Variants in PMEPA1 observed in about 807,000 individuals in gnomAD.
The protein encoded by PMEPA1 is protein TMEPAI.
A neutral mutation model predicts 23.0 loss-of-function variants in PMEPA1; 11 were observed. The observed-to-expected ratio is 0.48, with a 90% CI of 0.30 to 0.79. PMEPA1 has a LOEUF of 0.79. PMEPA1 is among the 30% of genes least tolerant of loss of function. The pLI is 0.06. For missense variants in PMEPA1, 377 were observed against 390.9 expected, an observed-to-expected ratio of 0.96 and a Z score of 0.30; for synonymous variants, 204 against 166.4, an observed-to-expected ratio of 1.23 and a Z score of -1.74.
chr20:57,690,622 G>A (rs1300304183), intron 1 of PMEPA1: 4 of 1,209,344 alleles, frequency 3.3e-6, no homozygotes, highest in Admixed American at 2.9e-5. Flanking sequence ...GGGGCCTGGA[G>A]AGCAGGCGCG....
At chr20:57,662,870 C>T (rs2071442043) in intron 1 of PMEPA1, among the ~76,000 whole-genome samples, 1 of 152,324 alleles carries the variant, frequency 6.6e-6, no homozygotes, top group South Asian at 2.1e-4. Context: ...TGGCAGCCCG[C>T]AGGACCCAGA....
Position 57,656,076 on chromosome 20 carries a change from C to A in PMEPA1, c.265-2990G>T, listed in dbSNP as rs2071322820. ...AGCTGCCCATTCTTCCCCTGGAGTCCCCAGGAACATCCAAGGGGACGGGAT... is the reference window on the plus strand; with the variant it reads ...AGCTGCCCATTCTTCCCCTGGAGTCACCAGGAACATCCAAGGGGACGGGAT... On this transcript the variant is annotated intron_variant, in intron 2 of 3. Coordinates refer to ENST00000341744, the MANE Select transcript of PMEPA1 (RefSeq NM_020182.5). This position sits in a 1 kb window ranked among gnomAD's most constrained non-coding sequence, Gnocchi z 4.7. 6.6e-6 allele frequency among the ~76,000 whole-genome samples: 1 copy of A among 151,990 alleles called. No individual in the cohort carries two copies. Among genetic ancestry groups the A allele is most frequent in the Non-Finnish European group, 1.5e-5 (1 of 67,994 alleles).
intron 1 of PMEPA1, among the ~76,000 whole-genome samples, chr20:57,669,151 A>ATTTATTTC (rs2071533616): frequency 4.0e-5 from 5 of 126,408 alleles, no homozygotes; most frequent in Non-Finnish European, 7.8e-5. Flanking sequence ...ACATTTATTT[A>ATTTATTTC]TTTATTTATT....
Position 57,653,510 on chromosome 20 carries a change from C to T in PMEPA1, c.265-424G>A, listed in dbSNP as rs568540589. Among the ~76,000 whole-genome samples, 7 of 152,366 alleles carry T rather than the reference C, an allele frequency of 4.6e-5. No individual in the cohort carries two copies. In the East Asian group the frequency reaches 9.6e-4, roughly 21 times the overall value. On this transcript the variant is annotated intron_variant, in intron 2 of 3. Coordinates refer to ENST00000341744, the MANE Select transcript of PMEPA1 (RefSeq NM_020182.5). ...CCTGCGTCAAGTTACTTAATTTCAA[C>T]GCTGCAGTTTCTGTACCTGAATTAC...
intron 1 of PMEPA1, among the ~76,000 whole-genome samples, chr20:57,702,797 G>GCGT: frequency 6.6e-6 from 1 of 152,290 alleles, no homozygotes; most frequent in African/African-American, 2.4e-5. Context: ...TGAGAAAAAT[G>GCGT]CGTCACTAAT....
intron 1 of PMEPA1, among the ~76,000 whole-genome samples, chr20:57,661,384 G>A (rs1408236038): frequency 6.6e-6 from 1 of 152,184 alleles, no homozygotes; most frequent in Non-Finnish European, 1.5e-5. Flanking sequence ...GGCAGCGTCC[G>A]GGGCCAAAGC....
intron 1 of PMEPA1, among the ~76,000 whole-genome samples, chr20:57,663,338 G>C (rs930427524): frequency 2.0e-5 from 3 of 152,158 alleles, no homozygotes; most frequent in African/African-American, 7.2e-5. Flanking sequence ...AAGCACAGTG[G>C]CTCTCTCAGA....
Position 57,652,238 on chromosome 20 carries a change from C to A in PMEPA1, c.679G>T (p.Gly227Trp). ...TCYGSGGRME[G>W]PPPTYSEVIG... ...ACCTCGCTGTAGGTGGGCGGCGGCC[C>A]CTCCATGCGCCCGCCGCTGCCGTAG... The change falls in exon 4 of 4, where the codon GGG becomes TGG. Residue 227 changes from glycine to tryptophan, a missense_variant. Around this residue, in one of 3 missense-constraint regions of PMEPA1, gnomAD observed 176 missense variants for 173.0 expected, o/e 1.02. Coordinates refer to ENST00000341744, the MANE Select transcript of PMEPA1 (RefSeq NM_020182.5). The surrounding 1 kb of genome is among the most constrained non-coding windows in gnomAD (Gnocchi z 6.1). 2 of 1,607,236 alleles carry A rather than the reference C, an allele frequency of 1.2e-6. No individual in the cohort carries two copies. Among genetic ancestry groups the A allele is most frequent in the Non-Finnish European group, 1.7e-6 (2 of 1,179,256 alleles).
In PMEPA1 at chr20:57,653,046, T is replaced by G; in HGVS notation, c.305A>C (p.Asn102Thr). Residue 102 changes from asparagine to threonine, a missense_variant, in exon 3 of 4, where the codon AAC becomes ACC. Around this residue, in one of 3 missense-constraint regions of PMEPA1, gnomAD observed 198 missense variants for 196.3 expected, o/e 1.01. Transcript: ENST00000341744. ...GGGAGGTCTCACCTCTGGGATTCCG[T>G]TGCCTGACACTGTGCTCTCCGAGGG... is the stretch of plus-strand genomic sequence containing the variant. ...LWPSESTVSG[N>T]GIPEPQVYAP... is the part of the protein sequence containing the mutation. The G allele has an allele frequency of 6.3e-7, 1 of 1,596,516 alleles. No individual in the cohort carries two copies. The highest frequency in any genetic ancestry group is 2.3e-5 in the East Asian group (1 of 44,214).
chr20:57,658,562 T>C (rs2071359770), intron 2 of PMEPA1, among the ~76,000 whole-genome samples: 1 of 152,170 alleles, frequency 6.6e-6, no homozygotes, highest in Non-Finnish European at 1.5e-5. Flanking sequence ...TTATAGCCAG[T>C]AATGACCAGA....
intron 1 of PMEPA1, among the ~76,000 whole-genome samples, chr20:57,680,531 ACT>A (rs1700682473): frequency 6.6e-6 from 1 of 152,166 alleles, no homozygotes; most frequent in Admixed American, 6.5e-5. Context: ...AGGTCGAGAA[ACT>A]CTGGATTAAA....
chr20:57,710,958 G>A (rs1461947015), upstream of PMEPA1: 1 of 152,686 alleles, frequency 6.5e-6, no homozygotes, highest in Admixed American at 6.5e-5. Context: ...GCACCTACCT[G>A]TGCCAGAAAC....
chr20:57,706,190 C>A (rs764453502), intron 1 of PMEPA1, among the ~76,000 whole-genome samples: 10 of 152,164 alleles, frequency 6.6e-5, no homozygotes, highest in African/African-American at 2.4e-4. Flanking sequence ...ACGCCTCCCG[C>A]GTGAGCAGAC....
chr20:57,700,229 C>G (rs749635213), intron 1 of PMEPA1: 14 of 456,454 alleles, frequency 3.1e-5, no homozygotes, highest in South Asian at 1.4e-4. Context: ...CTGACAGACC[C>G]CTCCACAGGC....
At chr20:57,703,434 G>A (rs772034123) in intron 1 of PMEPA1, among the ~76,000 whole-genome samples, 1 of 152,214 alleles carries the variant, frequency 6.6e-6, no homozygotes, top group Non-Finnish European at 1.5e-5. Flanking sequence ...ACGTCAGGGC[G>A]GTGTTGACCT....
chr20:57,681,655 C>T (rs1307172859), intron 1 of PMEPA1, among the ~76,000 whole-genome samples: 1 of 152,200 alleles, frequency 6.6e-6, no homozygotes, highest in African/African-American at 2.4e-5. Flanking sequence ...ACCTCCTCCC[C>T]TGCTGGCAGC....
chr20:57,693,517 G>A (rs1423720530), intron 1 of PMEPA1, among the ~76,000 whole-genome samples: 2 of 152,292 alleles, frequency 1.3e-5, no homozygotes, highest in Non-Finnish European at 2.9e-5. Flanking sequence ...AGACGGTGGC[G>A]GCCAGCAGGT....
intron 1 of PMEPA1, chr20:57,699,874 A>C (rs1316519120): frequency 1.6e-5 from 6 of 380,068 alleles, no homozygotes; most frequent in Non-Finnish European, 1.1e-5. Flanking sequence ...GGACTCCAAC[A>C]AGGGACCTCA....
rs2146628117 is a variant in PMEPA1 at position 57,649,748 on chromosome 20, T to C, written c.*2305A>G. 6.6e-6 allele frequency: 1 copy of C among 152,336 alleles called. No individual in the cohort carries two copies. Among genetic ancestry groups the C allele is most frequent in the Admixed American group, 6.6e-5 (1 of 15,260 alleles). 9.4% of individuals were successfully genotyped at this position (152,336 alleles called of 1,614,324 possible). ...AGGCACCTCCCTGGTAGAGACAGGG[T>C]GAGGACGCGCGAGGATGATGGGGTG... On this transcript the variant is annotated 3_prime_UTR_variant, in exon 4 of 4. Coordinates refer to ENST00000341744, the MANE Select transcript of PMEPA1 (RefSeq NM_020182.5).
Sources: allele counts gnomAD v4.1 joint callset (sites outside exome capture counted in the v4.1 genomes callset), GRCh38; gene constraint gnomAD v4.1.1; regional missense constraint gnomAD v4.1.1; non-coding constraint Gnocchi (gnomAD v3.1); transcripts MANE v1.5; gene names NCBI Gene and HGNC (gene_info 2026-07-23, HGNC 2026-07-21).